The following LRRIQ1 variants were observed in gnomAD, a reference collection of about 807,000 sequenced individuals.
LRRIQ1 encodes the protein leucine-rich repeat- and IQ domain-containing protein 1.
A neutral mutation model predicts 211.9 loss-of-function variants in LRRIQ1; 210 were observed. The observed-to-expected ratio is 0.99, with a 90% CI of 0.89 to 1.11. The LOEUF (loss-of-function observed/expected upper bound fraction) is 1.11, where lower values mean the gene tolerates loss of function less well. Among genes scored for constraint, LRRIQ1 ranks in the 50% most tolerant of loss-of-function variants. The probability of loss-of-function intolerance (pLI) is 0.00; values close to 1 mark genes in which losing one functional copy is unlikely to be tolerated. For synonymous variants in LRRIQ1, 699 were observed against 650.1 expected (o/e 1.08, Z -1.14); for missense variants, 2,136 against 1,939.5 (o/e 1.10, Z -1.90).
intron 18 of LRRIQ1, among the ~76,000 whole-genome samples, chr12:85,135,483 T>C (rs1889059985): frequency 6.6e-6 from 1 of 151,434 alleles, no homozygotes; most frequent in Admixed American, 6.7e-5. Context: ...CTATCTACTA[T>C]TCTTTATTAA....
At chr12:85,142,730 T>C (rs1448829085) in intron 19 of LRRIQ1, among the ~76,000 whole-genome samples, 1 of 151,622 alleles carries the variant, frequency 6.6e-6, no homozygotes, top group Non-Finnish European at 1.5e-5. Flanking sequence ...GTATTCTCTT[T>C]CTGTGCCTGG....
chr12:85,209,097 T>C (rs1893708435), intron 24 of LRRIQ1, among the ~76,000 whole-genome samples: 1 of 152,222 alleles, frequency 6.6e-6, no homozygotes, highest in Non-Finnish European at 1.5e-5. Context: ...ACTAAATAGC[T>C]CTTGCATCCT....
At chr12:85,105,796 AT>A (rs5799719) in intron 14 of LRRIQ1, among the ~76,000 whole-genome samples, 15 of 127,674 alleles carry the variant, frequency 1.2e-4, no homozygotes, top group Middle Eastern at 4.2e-3. Flanking sequence ...CTTTCTTTCT[AT>A]TTTTTTTTTT....
rs141897483 is a variant in LRRIQ1 at position 85,115,241 on chromosome 12, A to G, written c.3378-6456A>G. 8.3e-4 allele frequency among the ~76,000 whole-genome samples: 127 copies of G among 152,280 alleles called. 4 individuals carry two copies. In the East Asian group the frequency reaches 0.022, roughly 26 times the overall value. ...GATACTTCATTTCCAACATTCATCA[A>G]CTTGTTATGACACTTTCTAATATAT... On this transcript the variant is annotated intron_variant, in intron 15 of 26. Transcript: ENST00000393217.
intron 1 of LRRIQ1, among the ~76,000 whole-genome samples, chr12:85,260,441 A>G (rs763469570): frequency 4.2e-5 from 6 of 142,612 alleles, no homozygotes; most frequent in Admixed American, 6.7e-5. Context: ...ACTTCTACTT[A>G]TTACCTTGAA....
At chr12:85,211,475 T>C (rs943360561) in intron 24 of LRRIQ1, among the ~76,000 whole-genome samples, 3 of 152,186 alleles carry the variant, frequency 2.0e-5, no homozygotes, top group Admixed American at 2.0e-4. Flanking sequence ...ATACGTGTTA[T>C]GTAAATTAGC....
At chr12:85,042,311 G>A (rs893583714) in intron 3 of LRRIQ1, among the ~76,000 whole-genome samples, 7 of 150,580 alleles carry the variant, frequency 4.6e-5, no homozygotes, top group South Asian at 2.1e-4. Context: ...TTTGACAATC[G>A]TAATGAATAA....
chr12:85,068,977 A>G (rs1342573466), intron 10 of LRRIQ1, among the ~76,000 whole-genome samples: 1 of 151,298 alleles, frequency 6.6e-6, no homozygotes, highest in Non-Finnish European at 1.5e-5. Context: ...TTTAGGGTAC[A>G]TGTGCACAAC....
intron 24 of LRRIQ1, among the ~76,000 whole-genome samples, chr12:85,204,584 G>A (rs1893452148): frequency 6.6e-6 from 1 of 152,228 alleles, no homozygotes; most frequent in Admixed American, 6.5e-5. Flanking sequence ...GTGTGACCTA[G>A]ATGTGAGAAA....
chr12:85,119,907 G>T (rs906685028), intron 15 of LRRIQ1, among the ~76,000 whole-genome samples: 8 of 151,996 alleles, frequency 5.3e-5, no homozygotes, highest in Non-Finnish European at 1.2e-4. Context: ...TGATATATTG[G>T]ATAACAGTTC....
intron 11 of LRRIQ1, among the ~76,000 whole-genome samples, chr12:85,077,130 T>C (rs1028841287): frequency 2.0e-5 from 3 of 152,160 alleles, no homozygotes; most frequent in Non-Finnish European, 2.9e-5. Flanking sequence ...CTGAAGGAGG[T>C]TGATCTTCAG....
chr12:85,250,866 A>T (rs1414056172), intron 1 of LRRIQ1, among the ~76,000 whole-genome samples: 4 of 96,688 alleles, frequency 4.1e-5, no homozygotes, highest in Admixed American at 3.0e-4. Flanking sequence ...TATATTATAG[A>T]TTATATATTA....
chr12:85,223,084 T>C (rs1894477413), intron 24 of LRRIQ1, among the ~76,000 whole-genome samples: 1 of 152,032 alleles, frequency 6.6e-6, no homozygotes, highest in South Asian at 2.1e-4. Context: ...CATACTTTAG[T>C]AGGATGATGA....
intron 24 of LRRIQ1, among the ~76,000 whole-genome samples, chr12:85,177,528 C>T (rs113410412): frequency 6.6e-6 from 1 of 151,952 alleles, no homozygotes; most frequent in Admixed American, 6.6e-5. Context: ...AAGGCATGGT[C>T]CTATTGAAAG....
At chr12:85,064,773 T>C (rs1260312690) in intron 8 of LRRIQ1, among the ~76,000 whole-genome samples, 1 of 151,848 alleles carries the variant, frequency 6.6e-6, no homozygotes, top group Non-Finnish European at 1.5e-5. Flanking sequence ...AGCACCATTA[T>C]TGAAGAGGCT....
intron 11 of LRRIQ1, among the ~76,000 whole-genome samples, chr12:85,076,261 T>TTA (rs1427890488): frequency 6.6e-6 from 1 of 151,988 alleles, no homozygotes; most frequent in Non-Finnish European, 1.5e-5. Context: ...TTGACTTTAA[T>TTA]ATCATAGTGA....
Position 85,202,615 on chromosome 12 carries a change from C to T in LRRIQ1, c.4823-26902C>T, listed in dbSNP as rs569666370. On this transcript the variant is annotated intron_variant, in intron 24 of 26. Coordinates refer to ENST00000393217, the MANE Select transcript of LRRIQ1 (RefSeq NM_001079910.2). ...ATTAGAATAGCAACCCCTGATTTTTCTCTGTTTACAATTACTTGGTAGATT... is the reference window on the plus strand; with the variant it reads ...ATTAGAATAGCAACCCCTGATTTTTTTCTGTTTACAATTACTTGGTAGATT... Among the ~76,000 whole-genome samples, 11 of 152,152 alleles carry T rather than the reference C, an allele frequency of 7.2e-5. No homozygotes were observed. In the East Asian group the frequency reaches 2.1e-3, roughly 29 times the overall value.
downstream of LRRIQ1, chr12:85,264,526 A>C (rs1304978363): frequency 6.6e-6 from 1 of 152,050 alleles, no homozygotes; most frequent in Non-Finnish European, 1.5e-5. Flanking sequence ...TATTATCTTT[A>C]AAAAATTCTT....
chr12:85,248,162 G>A (rs189652920), downstream of LRRIQ1, among the ~76,000 whole-genome samples: 653 of 151,482 alleles, frequency 4.3e-3, 4 homozygotes, highest in Non-Finnish European at 7.6e-3. Context: ...TATTGTTAGA[G>A]CAATTTATAG....
Sources: allele counts gnomAD v4.1 joint callset (sites outside exome capture counted in the v4.1 genomes callset), GRCh38; gene constraint gnomAD v4.1.1; transcripts MANE v1.5; gene names NCBI Gene and HGNC (gene_info 2026-07-23, HGNC 2026-07-21).